Variants in PXDNL observed in about 807,000 individuals in gnomAD.
The protein encoded by PXDNL is probable oxidoreductase PXDNL.
In PXDNL, 145 loss-of-function variants were observed where a neutral mutation model predicts 150.8. The observed-to-expected ratio is 0.96, with a 90% CI of 0.84 to 1.10. The LOEUF (loss-of-function observed/expected upper bound fraction) is 1.10. Among genes scored for constraint, PXDNL ranks in the 50% least tolerant of loss-of-function variants. The pLI, the probability that PXDNL is intolerant of heterozygous loss-of-function variation, is 0.00. For missense variants in PXDNL, 2,087 were observed against 1,873.9 expected, an observed-to-expected ratio of 1.11 and a Z score of -2.10; for synonymous variants, 757 against 725.7, an observed-to-expected ratio of 1.04 and a Z score of -0.69.
chr8:51,765,998 C>T (rs4262318), intron 1 of PXDNL, among the ~76,000 whole-genome samples: 85,768 of 151,912 alleles, frequency 0.56, 27,697 homozygotes, highest in Non-Finnish European at 0.72. Context: ...CGCCCGCCAC[C>T]ATGCCCGCCT....
At chr8:51,693,075 G>C (rs1357111039) in intron 1 of PXDNL, among the ~76,000 whole-genome samples, 1 of 152,228 alleles carries the variant, frequency 6.6e-6, no homozygotes, top group Non-Finnish European at 1.5e-5. Context: ...AAAGAGATCA[G>C]AGCCTCTATC....
intron 2 of PXDNL, among the ~76,000 whole-genome samples, chr8:51,644,338 A>ATATAT (rs1814858570): frequency 3.1e-5 from 1 of 32,748 alleles, no homozygotes; most frequent in Admixed American, 3.3e-4. Context: ...ATATATATAT[A>ATATAT]CACACACACA....
intron 3 of PXDNL, among the ~76,000 whole-genome samples, chr8:51,558,206 A>G (rs576409607): frequency 1.3e-5 from 2 of 152,166 alleles, no homozygotes; most frequent in South Asian, 4.1e-4. Context: ...TTTGAGTTCT[A>G]CCCAAGCCTT....
intron 7 of PXDNL, among the ~76,000 whole-genome samples, chr8:51,474,403 T>G (rs1810425697): frequency 6.6e-6 from 1 of 152,222 alleles, no homozygotes; most frequent in Admixed American, 6.5e-5. Flanking sequence ...AGCTTATTGC[T>G]TTAGTAAGGT....
chr8:51,437,059 T>C (rs1314462911), intron 12 of PXDNL, among the ~76,000 whole-genome samples: 1 of 152,158 alleles, frequency 6.6e-6, no homozygotes, highest in Non-Finnish European at 1.5e-5. Flanking sequence ...CATTCAAGGC[T>C]ACTATGCAAA....
At chr8:51,620,266 T>C (rs953263197) in intron 2 of PXDNL, among the ~76,000 whole-genome samples, 5 of 152,158 alleles carry the variant, frequency 3.3e-5, no homozygotes, top group Non-Finnish European at 5.9e-5. Flanking sequence ...TATCCCAAAG[T>C]AATTTTCTAT....
At chr8:51,729,952 A>G (rs76528332) in intron 1 of PXDNL, among the ~76,000 whole-genome samples, 61 of 152,326 alleles carry the variant, frequency 4.0e-4, no homozygotes, top group African/African-American at 1.3e-3. Flanking sequence ...TAAAAAGATC[A>G]ATGTTTGCCA....
At chr8:51,393,254 T>C (rs16916177) in intron 17 of PXDNL, among the ~76,000 whole-genome samples, 17,604 of 152,220 alleles carry the variant, frequency 0.12, 1,214 homozygotes, top group East Asian at 0.3. Context: ...CTCAGATGTG[T>C]GCATAGACTT....
At chr8:51,497,886 A>T (rs1585526751) in intron 5 of PXDNL, among the ~76,000 whole-genome samples, 1 of 152,316 alleles carries the variant, frequency 6.6e-6, no homozygotes, top group Non-Finnish European at 1.5e-5. Context: ...TTCCTCAGGG[A>T]TCTAGAACTA....
chr8:51,404,423 T>C (rs956798271), intron 17 of PXDNL, among the ~76,000 whole-genome samples: 11 of 147,850 alleles, frequency 7.4e-5, no homozygotes, highest in Admixed American at 2.6e-4. Flanking sequence ...TATAATCCCC[T>C]AGCTAGACAT....
intron 8 of PXDNL, among the ~76,000 whole-genome samples, chr8:51,462,974 T>G (rs977691593): frequency 2.6e-5 from 4 of 152,198 alleles, no homozygotes; most frequent in Admixed American, 6.5e-5. Flanking sequence ...TTGGACCTTT[T>G]CTCAAAATAC....
At chr8:51,462,117 C>T (rs559471862) in intron 8 of PXDNL, among the ~76,000 whole-genome samples, 2 of 152,250 alleles carry the variant, frequency 1.3e-5, no homozygotes, top group South Asian at 4.2e-4. Flanking sequence ...ACAGTCAAAA[C>T]CTCAAGGGAA....
intron 4 of PXDNL, among the ~76,000 whole-genome samples, chr8:51,526,540 G>A (rs1326529236): frequency 6.6e-6 from 1 of 152,072 alleles, no homozygotes; most frequent in African/African-American, 2.4e-5. Flanking sequence ...TAAAAGCTAA[G>A]GAGAGCTATT....
intron 1 of PXDNL, among the ~76,000 whole-genome samples, chr8:51,778,021 C>T (rs935557231): frequency 2.0e-5 from 3 of 152,136 alleles, no homozygotes; most frequent in African/African-American, 7.2e-5. Flanking sequence ...CAAATGCTCA[C>T]AAGCTCAAGA....
chr8:51,722,375 T>C (rs894045212), intron 1 of PXDNL, among the ~76,000 whole-genome samples: 1 of 151,958 alleles, frequency 6.6e-6, no homozygotes, highest in East Asian at 1.9e-4. Flanking sequence ...CATCCAGGGG[T>C]GGTAGCCTGA....
At chr8:51,492,153 G>A (rs1810910364) in intron 5 of PXDNL, among the ~76,000 whole-genome samples, 1 of 152,102 alleles carries the variant, frequency 6.6e-6, no homozygotes, top group Non-Finnish European at 1.5e-5. Flanking sequence ...ATTAATTAAG[G>A]GCATCCTTTT....
chr8:51,531,022 A>G (rs73584805), intron 4 of PXDNL, among the ~76,000 whole-genome samples: 4,643 of 152,300 alleles, frequency 0.03, 224 homozygotes, highest in African/African-American at 0.11. Context: ...AATGAATTGT[A>G]AACACAAGAA....
intron 17 of PXDNL, among the ~76,000 whole-genome samples, chr8:51,405,649 G>A (rs982815508): frequency 6.6e-6 from 1 of 152,188 alleles, no homozygotes; most frequent in Non-Finnish European, 1.5e-5. Flanking sequence ...CTACATATTT[G>A]AGAACTGACC....
At chr8:51,366,062 T>C (rs185213166) in intron 19 of PXDNL, among the ~76,000 whole-genome samples, 76 of 152,344 alleles carry the variant, frequency 5.0e-4, no homozygotes, top group Non-Finnish European at 8.1e-4. Context: ...TTTACGATGA[T>C]GACAGAGTGA....
Sources: gnomAD v4.1 joint callset for allele counts (sites outside exome capture counted in the v4.1 genomes callset) on GRCh38, gnomAD v4.1.1 for gene constraint, MANE v1.5 for transcripts, NCBI Gene and HGNC (gene_info 2026-07-23, HGNC 2026-07-21) for gene names.